TBL1XR1: variants seen among roughly 807,000 people sequenced by gnomAD.
The protein encoded by TBL1XR1 is F-box-like/WD repeat-containing protein TBL1XR1.
Under a neutral mutation model 66.9 loss-of-function variants are expected in TBL1XR1, and 5 were observed. That is an observed-to-expected ratio of 0.07 (90% CI 0.04 to 0.16). TBL1XR1 has a LOEUF of 0.16. Ranked by LOEUF, TBL1XR1 falls within the 10% of genes least tolerant of loss-of-function variation. The probability of loss-of-function intolerance (pLI) is 1.00; values close to 1 mark genes in which losing one functional copy is unlikely to be tolerated. For missense variants in TBL1XR1, 238 were observed against 623.2 expected, an observed-to-expected ratio of 0.38 and a Z score of 6.58; for synonymous variants, 210 against 206.0, an observed-to-expected ratio of 1.02 and a Z score of -0.17.
intron 1 of TBL1XR1, among the ~76,000 whole-genome samples, chr3:177,149,630 G>A (rs1056775164): frequency 7.9e-5 from 12 of 152,120 alleles, no homozygotes; most frequent in African/African-American, 2.9e-4. Context: ...AACAGGAGTT[G>A]ACAAATGACA....
At chr3:177,059,570 G>A (rs1718247428) in intron 3 of TBL1XR1, among the ~76,000 whole-genome samples, 2 of 152,134 alleles carry the variant, frequency 1.3e-5, no homozygotes, top group Non-Finnish European at 2.9e-5. Flanking sequence ...GTATTTCTAA[G>A]GAGATGGAAA....
chr3:177,130,582 C>T (rs1404481197), intron 1 of TBL1XR1, among the ~76,000 whole-genome samples: 2 of 152,178 alleles, frequency 1.3e-5, no homozygotes, highest in Non-Finnish European at 1.5e-5. Context: ...ATACCCGTCA[C>T]TCCAGAGAGG....
chr3:177,137,108 T>C (rs1333161656), intron 1 of TBL1XR1, among the ~76,000 whole-genome samples: 3 of 151,866 alleles, frequency 2.0e-5, no homozygotes, highest in African/African-American at 7.2e-5. Context: ...CATTATGGCA[T>C]ACATTAAAAT....
chr3:177,033,090 T>A lies in TBL1XR1; in HGVS notation c.1297A>T (p.Ile433Leu). 2.5e-6 allele frequency: 4 copies of A among 1,603,746 alleles called. No homozygotes were observed. Among genetic ancestry groups the A allele is most frequent in the Non-Finnish European group, 3.4e-6 (4 of 1,173,650 alleles). The change falls in exon 14 of 16, where the codon ATA becomes TTA. Residue 433 changes from isoleucine to leucine, a missense_variant. Ile to Leu is a conservative substitution (Grantham distance 5). This residue lies in a region of TBL1XR1 where 89 missense variants were observed against 220.2 expected (regional missense o/e 0.40). Coordinates refer to ENST00000457928, the MANE Select transcript of TBL1XR1 (RefSeq NM_024665.7). ...TVRLWDVDRG[I>L]CIHTLTKHQE... ...TGTTTTGTCAAGGTATGGATGCATA[T>A]CCCTCGGTCTACATCCCATAACCTA...
intron 1 of TBL1XR1, among the ~76,000 whole-genome samples, chr3:177,112,099 A>ATT (rs1725688513): frequency 8.1e-5 from 4 of 49,226 alleles, no homozygotes; most frequent in Non-Finnish European, 1.4e-4. Flanking sequence ...ATATATATAT[A>ATT]TATATATATT....
At chr3:177,187,157 ACT>A (rs1263703657) in intron 1 of TBL1XR1, among the ~76,000 whole-genome samples, 68 of 121,730 alleles carry the variant, frequency 5.6e-4, no homozygotes, top group African/African-American at 1.9e-3. Context: ...ACAGAGCAAG[ACT>A]CTGTCTCAAA....
intron 1 of TBL1XR1, among the ~76,000 whole-genome samples, chr3:177,123,830 G>C (rs752845527): frequency 3.1e-4 from 47 of 151,912 alleles, no homozygotes; most frequent in Non-Finnish European, 5.2e-4. Context: ...TACAAAATAA[G>C]AACATAATTC....
At chr3:177,137,137 GA>G (rs769097433) in intron 1 of TBL1XR1, among the ~76,000 whole-genome samples, 169 of 152,022 alleles carry the variant, frequency 1.1e-3, no homozygotes, top group Admixed American at 3.0e-3. Context: ...TATGGGGGGG[GA>G]AAGATGACTG....
chr3:177,081,570 C>A (rs954851284), intron 2 of TBL1XR1, among the ~76,000 whole-genome samples: 1 of 151,758 alleles, frequency 6.6e-6, no homozygotes, highest in Non-Finnish European at 1.5e-5. Flanking sequence ...GGCAACATAA[C>A]AAGACCTAAT....
At chr3:177,166,770 G>A (rs986200945) in intron 1 of TBL1XR1, among the ~76,000 whole-genome samples, 2 of 152,084 alleles carry the variant, frequency 1.3e-5, no homozygotes, top group South Asian at 4.1e-4. Flanking sequence ...ACACCATTAG[G>A]GGATTGCAAA....
intron 1 of TBL1XR1, among the ~76,000 whole-genome samples, chr3:177,171,018 A>G (rs1733397883): frequency 6.6e-6 from 1 of 152,116 alleles, no homozygotes; most frequent in Non-Finnish European, 1.5e-5. Context: ...AGAAAAAACT[A>G]TTATACAATC....
chr3:177,113,559 A>G (rs1030661295), intron 1 of TBL1XR1, among the ~76,000 whole-genome samples: 3 of 152,196 alleles, frequency 2.0e-5, no homozygotes, highest in African/African-American at 7.2e-5. Context: ...GGCCAGGCAC[A>G]GTGGCTCATG....
At chr3:177,064,520 C>T (rs1324074379) in intron 3 of TBL1XR1, among the ~76,000 whole-genome samples, 2 of 152,122 alleles carry the variant, frequency 1.3e-5, no homozygotes, top group African/African-American at 2.4e-5. Context: ...TGAAAGCATT[C>T]TAGGAAAATA....
chr3:177,168,329 T>C (rs545367533), intron 1 of TBL1XR1, among the ~76,000 whole-genome samples: 13 of 151,834 alleles, frequency 8.6e-5, no homozygotes, highest in African/African-American at 3.1e-4. Flanking sequence ...TTGCCCAGAT[T>C]GGAGTGCAGT....
intron 1 of TBL1XR1, among the ~76,000 whole-genome samples, chr3:177,191,423 T>C (rs1257521131): frequency 6.6e-6 from 1 of 152,222 alleles, no homozygotes; most frequent in East Asian, 1.9e-4. Flanking sequence ...TCACACAAAC[T>C]GGGCCTAAAT....
At chr3:177,074,674 C>T (rs1720464808) in intron 2 of TBL1XR1, among the ~76,000 whole-genome samples, 1 of 152,192 alleles carries the variant, frequency 6.6e-6, no homozygotes, top group Non-Finnish European at 1.5e-5. Context: ...ATGCTACCTC[C>T]CCAACCCTCA....
intron 1 of TBL1XR1, among the ~76,000 whole-genome samples, chr3:177,122,554 G>C (rs1252789289): frequency 6.6e-6 from 1 of 152,096 alleles, no homozygotes; most frequent in East Asian, 1.9e-4. Context: ...AATACTGCAA[G>C]TCCACCAACA....
intron 4 of TBL1XR1, among the ~76,000 whole-genome samples, chr3:177,052,080 C>T (rs1487675321): frequency 6.6e-6 from 1 of 152,150 alleles, no homozygotes; most frequent in Non-Finnish European, 1.5e-5. Flanking sequence ...GAATATAGTT[C>T]ATATAATGAT....
chr3:177,172,092 T>A (rs1162579489), intron 1 of TBL1XR1, among the ~76,000 whole-genome samples: 12 of 151,642 alleles, frequency 7.9e-5, no homozygotes, highest in Non-Finnish European at 1.2e-4. Flanking sequence ...AAACCCCGTC[T>A]CTACTAAAAA....
Sources: gnomAD v4.1 joint callset for allele counts (sites outside exome capture counted in the v4.1 genomes callset) on GRCh38, gnomAD v4.1.1 for gene constraint, gnomAD v4.1.1 regional missense constraint, MANE v1.5 for transcripts, NCBI Gene and HGNC (gene_info 2026-07-23, HGNC 2026-07-21) for gene names.